The following TTLL1 variants were observed in gnomAD, a reference collection of about 807,000 sequenced individuals.
TTLL1 encodes the protein TTL family tubulin polyglutamylase complex subunit L1.
Under a neutral mutation model 47.8 loss-of-function variants are expected in TTLL1, and 33 were observed. That is an observed-to-expected ratio of 0.69 (90% CI 0.52 to 0.92). TTLL1 has a LOEUF of 0.92. TTLL1 is among the 40% of genes least tolerant of loss of function. The pLI is 0.00. For missense variants in TTLL1, 488 were observed against 547.5 expected (o/e 0.89, Z 1.08); for synonymous variants, 225 against 214.1 (o/e 1.05, Z -0.45).
At chr22:43,087,498 C>G (rs1226270487) in intron 1 of TTLL1, among the ~76,000 whole-genome samples, 2 of 146,164 alleles carry the variant, frequency 1.4e-5, no homozygotes, top group African/African-American at 5.1e-5. Context: ...CACTCCAGCC[C>G]GGGCAACAGA....
At chr22:43,051,714 CCTGGGGGACTGCTGGG>C (rs1926635448) in intron 9 of TTLL1, 71 bp downstream of exon 9, 2 of 1,254,446 alleles carry the variant, frequency 1.6e-6, no homozygotes, top group Non-Finnish European at 2.3e-6. Context: ...ACATCTGGGG[CCTGGGGGACTGCTGGG>C]CCCGAATCGG....
chr22:43,074,184 T>TG (rs1928324163), intron 3 of TTLL1, among the ~76,000 whole-genome samples: 1 of 151,132 alleles, frequency 6.6e-6, no homozygotes, highest in South Asian at 2.1e-4. Flanking sequence ...CCTAGCACTT[T>TG]GGGAGGCCAA....
chr22:43,069,516 C>G, intron 4 of TTLL1, 120 bp downstream of exon 4: 1 of 1,524,138 alleles, frequency 6.6e-7, no homozygotes, highest in South Asian at 1.3e-5. Context: ...CAGGTGCCAC[C>G]ACAACTCGCA....
intron 8 of TTLL1, among the ~76,000 whole-genome samples, chr22:43,053,527 C>T (rs1394156060): frequency 6.6e-6 from 1 of 152,222 alleles, no homozygotes; most frequent in Non-Finnish European, 1.5e-5. Context: ...CCTGAGCAGG[C>T]TGCCTGCATT....
At chr22:43,046,351 T>G in intron 10 of TTLL1, 59 bp downstream of exon 10, 2 of 1,595,192 alleles carry the variant, frequency 1.3e-6, no homozygotes, top group South Asian at 2.2e-5. Context: ...CAAGCTGGGC[T>G]ATGGCACACG....
chr22:43,075,382 G>C, intron 3 of TTLL1, 92 bp downstream of exon 3: 2 of 1,032,330 alleles, frequency 1.9e-6, no homozygotes, highest in South Asian at 2.7e-5. Flanking sequence ...AGGAGACAGT[G>C]GCTCTGAGGC....
intron 1 of TTLL1, among the ~76,000 whole-genome samples, chr22:43,086,285 A>G (rs183677990): frequency 6.6e-6 from 1 of 152,300 alleles, no homozygotes; most frequent in East Asian, 1.9e-4. Flanking sequence ...TTGACCTTTT[A>G]TGTTGAATGC....
In TTLL1 at chr22:43,076,886, G is replaced by C. The variant is rs201763805; in HGVS notation, c.-4-1296C>G. On this transcript the variant is annotated intron_variant, in intron 2 of 10. Transcript: ENST00000266254. ...GGAGGCCGAGGCAGGTGGATCACGAGGTCAGGAGATCGAGACCATCCTGGC... is the reference window on the plus strand; with the variant it reads ...GGAGGCCGAGGCAGGTGGATCACGACGTCAGGAGATCGAGACCATCCTGGC... 3.3e-3 allele frequency among the ~76,000 whole-genome samples: 509 copies of C among 152,036 alleles called. 5 individuals are homozygous for C. Among genetic ancestry groups the C allele is most frequent in the East Asian group, 3.7e-3 (19 of 5,152 alleles).
At chr22:43,071,366 G>T (rs945772858) in intron 3 of TTLL1, among the ~76,000 whole-genome samples, 1 of 152,080 alleles carries the variant, frequency 6.6e-6, no homozygotes, top group African/African-American at 2.4e-5. Context: ...CGGGCGCAGT[G>T]GCTCACGTCT....
chr22:43,088,010 T>C (rs1929347262), intron 1 of TTLL1, among the ~76,000 whole-genome samples: 2 of 151,432 alleles, frequency 1.3e-5, no homozygotes, highest in South Asian at 4.2e-4. Flanking sequence ...TAGCGGGGCA[T>C]GGTGGCGCGT....
intron 3 of TTLL1, among the ~76,000 whole-genome samples, chr22:43,074,423 G>A (rs1426712771): frequency 2.1e-5 from 2 of 94,264 alleles, no homozygotes; most frequent in Non-Finnish European, 3.6e-5. Context: ...GCGAAATTTC[G>A]TCTCAAAAAA....
intron 8 of TTLL1, among the ~76,000 whole-genome samples, chr22:43,057,248 G>A (rs1402005636): frequency 5.5e-5 from 8 of 146,340 alleles, no homozygotes; most frequent in African/African-American, 2.0e-4. Context: ...CAGCCTGGTC[G>A]ACAGAATGAG....
chr22:43,061,774 C>T (rs1927400634), intron 7 of TTLL1, among the ~76,000 whole-genome samples: 1 of 152,170 alleles, frequency 6.6e-6, no homozygotes, highest in South Asian at 2.1e-4. Flanking sequence ...CCCTGTAATG[C>T]TCCCTCTGGC....
chr22:43,040,149 T>G, intron 10 of TTLL1: 1 of 466,034 alleles, frequency 2.1e-6, no homozygotes, highest in South Asian at 2.4e-5. Context: ...ACAACCTTGT[T>G]GTTATTGTGG....
At chr22:43,069,063 G>C (rs1016580973) in intron 4 of TTLL1, among the ~76,000 whole-genome samples, 4 of 151,848 alleles carry the variant, frequency 2.6e-5, no homozygotes, top group African/African-American at 9.7e-5. Flanking sequence ...TGAGCGCTGA[G>C]GGCATCCTCT....
chr22:43,084,714 G>A (rs892390526), intron 1 of TTLL1, among the ~76,000 whole-genome samples: 5 of 151,718 alleles, frequency 3.3e-5, no homozygotes, highest in African/African-American at 1.2e-4. Flanking sequence ...TGTTAGCCAG[G>A]ATGGTCTCGA....
At chr22:43,045,709 C>G (rs1468627594) in intron 10 of TTLL1, among the ~76,000 whole-genome samples, 2 of 152,010 alleles carry the variant, frequency 1.3e-5, no homozygotes, top group African/African-American at 4.8e-5. Flanking sequence ...GGGAATGAGC[C>G]CAGGTGACCC....
chr22:43,068,007 A>G (rs1219392009), intron 5 of TTLL1, among the ~76,000 whole-genome samples: 1 of 128,844 alleles, frequency 7.8e-6, no homozygotes. Context: ...GTAGAGATGG[A>G]GTTTCGCCAT....
At chr22:43,044,239 A>C (rs1404466537) in intron 10 of TTLL1, among the ~76,000 whole-genome samples, 2 of 132,130 alleles carry the variant, frequency 1.5e-5, no homozygotes, top group African/African-American at 2.8e-5. Flanking sequence ...GAGGGAGAGA[A>C]CAACCAACCA....
Sources: allele counts gnomAD v4.1 joint callset (sites outside exome capture counted in the v4.1 genomes callset), GRCh38; gene constraint gnomAD v4.1.1; transcripts MANE v1.5; gene names NCBI Gene and HGNC (gene_info 2026-07-23, HGNC 2026-07-21).